The following RNF19B variants were observed in gnomAD, a reference collection of about 807,000 sequenced individuals.
RNF19B encodes the protein ring finger protein 19B.
In RNF19B, 23 loss-of-function variants were observed where a neutral mutation model predicts 65.5. The ratio of observed to expected loss-of-function variants is 0.35; its 90% CI spans 0.25 to 0.50. RNF19B has a LOEUF of 0.50. Ranked by LOEUF, RNF19B falls within the 20% of genes least tolerant of loss-of-function variation. The pLI, the probability that RNF19B is intolerant of heterozygous loss-of-function variation, is 0.98. For missense variants in RNF19B, 794 were observed against 980.0 expected (o/e 0.81, Z 2.53); for synonymous variants, 372 against 379.6 (o/e 0.98, Z 0.23).
At chr1:32,935,966 C>T (rs937190403), downstream of RNF19B, among the ~76,000 whole-genome samples, 2 of 151,998 alleles carry the variant, frequency 1.3e-5, no homozygotes, top group African/African-American at 2.4e-5. Flanking sequence ...CCAGGTGGGT[C>T]TCAAACAGCT....
chr1:32,948,841 A>G (rs1642426127), intron 2 of RNF19B, among the ~76,000 whole-genome samples: 1 of 152,182 alleles, frequency 6.6e-6, no homozygotes, highest in South Asian at 2.1e-4. Flanking sequence ...ATCCCTTCCC[A>G]TGATACTTTC....
Position 32,942,332 on chromosome 1 carries a change from G to T in RNF19B, c.1530C>A (p.Ser510Arg), listed in dbSNP as rs201157333. Residue 510 changes from serine (S) to arginine (R), a missense_variant, in exon 7 of 9, where the codon AGC (serine) becomes AGA (arginine). This residue lies in a region of RNF19B where 368 missense variants were observed against 447.3 expected (regional missense o/e 0.82). Transcript: ENST00000235150. ...DGLSVMQGPY[S>R]ETASFAALSG... ...AGAGGGCTGCAAAGCTGGCCGTTTC[G>T]CTGTAAGGACCTTGCATAACACTAA... 6.2e-7 allele frequency: 1 copy of T among 1,614,110 alleles called. No individual in the cohort carries two copies. The highest frequency in any genetic ancestry group is 8.5e-7 in the Non-Finnish European group (1 of 1,180,000).
At chr1:32,948,434 T>A (rs1324415730) in intron 2 of RNF19B, 71 bp from the exon 3 acceptor site, 2 of 1,505,038 alleles carry the variant, frequency 1.3e-6, no homozygotes, top group Admixed American at 3.6e-5. Flanking sequence ...TAATTGTTCC[T>A]AGGAGTATAT....
chr1:32,946,728 ATTAG>A (rs1291305719), intron 3 of RNF19B, among the ~76,000 whole-genome samples, 164 bp from the exon 4 acceptor site: 3 of 152,250 alleles, frequency 2.0e-5, no homozygotes, highest in African/African-American at 7.2e-5. Flanking sequence ...AGGCCAGACT[ATTAG>A]AGCTCTGGGC....
At chr1:32,943,950 C>T (rs194644) in intron 6 of RNF19B, 69 bp downstream of exon 6, 458,911 of 1,461,648 alleles carry the variant, frequency 0.31, 74,682 homozygotes, top group Admixed American at 0.48. Context: ...CTGTAAAATG[C>T]GCTGAATTTT....
rs566839678 is a variant in RNF19B at position 32,940,426 on chromosome 1, C to T, written c.1610+1826G>A. On this transcript the variant is annotated intron_variant, in intron 7 of 8. Transcript: ENST00000235150. ...CCACCTGCCATCTGTTGCTTGAATC[C>T]TTCTTATAGCCAAATAGCCATCTGG... 3.9e-5 allele frequency among the ~76,000 whole-genome samples: 6 copies of T among 152,236 alleles called. No homozygotes were observed. The South Asian group carries it at 1.2e-3, about 32-fold the overall frequency.
In RNF19B at chr1:32,943,667, G is replaced by A. The variant is rs534778415; in HGVS notation, c.1402+352C>T. 1.2e-3 allele frequency among the ~76,000 whole-genome samples: 186 copies of A among 151,760 alleles called. 2 individuals are homozygous for A. Among genetic ancestry groups the A allele is most frequent in the Admixed American group, 1.2e-3 (19 of 15,256 alleles). On this transcript the variant is annotated intron_variant, in intron 6 of 8. Coordinates refer to ENST00000235150, the MANE Select transcript of RNF19B (RefSeq NM_001300826.2). Reference sequence around the variant, plus strand: ...GGGGATAACAGCTCCATCCTCCCTCGTCAGAGAGCTGTTTGTTGTAAAAAG... The same window carrying A: ...GGGGATAACAGCTCCATCCTCCCTCATCAGAGAGCTGTTTGTTGTAAAAAG...
chr1:32,959,664 T>C (rs1642723116), intron 1 of RNF19B, among the ~76,000 whole-genome samples: 1 of 152,170 alleles, frequency 6.6e-6, no homozygotes, highest in Non-Finnish European at 1.5e-5. Flanking sequence ...AAATCAGTTA[T>C]TTGTATTTTG....
intron 7 of RNF19B, among the ~76,000 whole-genome samples, chr1:32,941,838 C>A (rs1248476915): frequency 3.3e-5 from 5 of 152,016 alleles, no homozygotes; most frequent in Non-Finnish European, 5.9e-5. Flanking sequence ...TGACTCATGC[C>A]TGTAATCCCA....
intron 6 of RNF19B, among the ~76,000 whole-genome samples, chr1:32,942,866 C>T (rs1642270775): frequency 6.6e-6 from 1 of 152,138 alleles, no homozygotes; most frequent in African/African-American, 2.4e-5. Flanking sequence ...ACCGGCCGGG[C>T]GCGGTGGCTC....
Position 32,942,288 on chromosome 1 carries a change from C to T in RNF19B, c.1574G>A (p.Gly525Asp), listed in dbSNP as rs1325113162. The T allele has an allele frequency of 1.2e-6, 2 of 1,612,552 alleles. No homozygotes were observed. ...FAALSGGTLS[G>D]GILSSGKGKY... ...TCCCTTGCCACTGGAGAGAATGCCGCCACTCAGCGTGCCCCCTGAGAGGGC... is the reference window on the plus strand; with the variant it reads ...TCCCTTGCCACTGGAGAGAATGCCGTCACTCAGCGTGCCCCCTGAGAGGGC... Residue 525 changes from glycine to aspartate, a missense_variant, in exon 7 of 9, where the codon GGC becomes GAC. This residue lies in a region of RNF19B where 368 missense variants were observed against 447.3 expected (regional missense o/e 0.82). Coordinates refer to ENST00000235150, the MANE Select transcript of RNF19B (RefSeq NM_001300826.2).
chr1:32,964,752 G>C lies in RNF19B; in HGVS notation c.-67C>G. Reference sequence around the variant, plus strand: ...ACAGCTCCCGCCTCAGCGCCCCTCAGCCAGCGCCCGGCCGCCGCCGACGCC... The same window carrying C: ...ACAGCTCCCGCCTCAGCGCCCCTCACCCAGCGCCCGGCCGCCGCCGACGCC... On this transcript the variant is annotated 5_prime_UTR_variant, in exon 1 of 9. Transcript: ENST00000235150. The surrounding 1 kb of genome is among the most constrained non-coding windows in gnomAD (Gnocchi z 6.5). 1 of 1,293,816 alleles carries C rather than the reference G, an allele frequency of 7.7e-7. No individual in the cohort carries two copies. Among genetic ancestry groups the C allele is most frequent in the Admixed American group, 4.4e-5 (1 of 22,848 alleles). The allele number at this position is 1,293,816 out of a possible 1,614,324, so 80.1% of individuals were successfully genotyped here.
intron 1 of RNF19B, among the ~76,000 whole-genome samples, chr1:32,959,530 A>G (rs986326290): frequency 3.2e-4 from 49 of 152,322 alleles, no homozygotes; most frequent in African/African-American, 1.2e-3. Context: ...ACTAGGCCCC[A>G]TGTTTAAACT....
chr1:32,957,918 A>G (rs937217150), intron 1 of RNF19B, among the ~76,000 whole-genome samples: 17 of 152,188 alleles, frequency 1.1e-4, no homozygotes, highest in African/African-American at 4.1e-4. Flanking sequence ...TCCTCTGAGA[A>G]CTATGCTGCT....
chr1:32,933,128 T>C (rs1431657711), downstream of RNF19B, among the ~76,000 whole-genome samples: 2 of 152,218 alleles, frequency 1.3e-5, no homozygotes, highest in African/African-American at 4.8e-5. Context: ...CTAAGTTCCA[T>C]GGGGACAGGA....
downstream of RNF19B, among the ~76,000 whole-genome samples, chr1:32,935,861 C>A (rs1274738459): frequency 6.6e-6 from 1 of 152,150 alleles, no homozygotes; most frequent in Non-Finnish European, 1.5e-5. Flanking sequence ...GCTTCTCCTG[C>A]CACAGCCCCC....
chr1:32,952,701 C>G (rs1642536339), intron 1 of RNF19B, among the ~76,000 whole-genome samples: 1 of 151,066 alleles, frequency 6.6e-6, no homozygotes, highest in Non-Finnish European at 1.5e-5. Flanking sequence ...GAGATTGCGC[C>G]ACCATGGGTG....
chr1:32,929,618 T>C, the RNF19B span, among the ~76,000 whole-genome samples: 5 of 152,168 alleles, frequency 3.3e-5, no homozygotes, highest in African/African-American at 9.7e-5. Flanking sequence ...AACGAGAAGA[T>C]TTATGATATA....
At chr1:32,947,770 A>G (rs1160550528) in intron 3 of RNF19B, among the ~76,000 whole-genome samples, 1 of 152,128 alleles carries the variant, frequency 6.6e-6, no homozygotes, top group Admixed American at 6.6e-5. Context: ...GTTTAGTAAG[A>G]TAAGATAGGT....
Sources: gnomAD v4.1 joint callset for allele counts (sites outside exome capture counted in the v4.1 genomes callset) on GRCh38, gnomAD v4.1.1 for gene constraint, gnomAD v4.1.1 regional missense constraint, Gnocchi (gnomAD v3.1) non-coding constraint, MANE v1.5 for transcripts, NCBI Gene and HGNC (gene_info 2026-07-23, HGNC 2026-07-21) for gene names.